ZNRF1: variants seen among roughly 807,000 people sequenced by gnomAD.
The protein encoded by ZNRF1 is zinc and ring finger 1.
Under a neutral mutation model 18.4 loss-of-function variants are expected in ZNRF1, and 3 were observed. That is an observed-to-expected ratio of 0.16 (90% CI 0.07 to 0.42). The LOEUF is 0.42. Ranked by LOEUF, ZNRF1 falls within the 10% of genes least tolerant of loss-of-function variation. The pLI is 0.99. For synonymous variants in ZNRF1, 157 were observed against 144.2 expected, an observed-to-expected ratio of 1.09 and a Z score of -0.64; for missense variants, 310 against 329.8, an observed-to-expected ratio of 0.94 and a Z score of 0.47.
intron 1 of ZNRF1, among the ~76,000 whole-genome samples, chr16:75,090,579 T>C (rs1274560523): frequency 6.6e-6 from 1 of 152,170 alleles, no homozygotes; most frequent in East Asian, 1.9e-4. Flanking sequence ...ATACAGCCCT[T>C]TCCCGAAGCT....
chr16:75,050,877 A>C (rs1054863254), intron 1 of ZNRF1, among the ~76,000 whole-genome samples: 2 of 104,858 alleles, frequency 1.9e-5, no homozygotes, highest in African/African-American at 4.0e-5. Flanking sequence ...TCTCAAAAAA[A>C]AAAAAAAAAA....
At chr16:75,025,178 C>A (rs981766580) in intron 1 of ZNRF1, among the ~76,000 whole-genome samples, 1 of 152,158 alleles carries the variant, frequency 6.6e-6, no homozygotes, top group African/African-American at 2.4e-5. Flanking sequence ...TGCCATTCTC[C>A]TGCCTCAGCC....
chr16:75,007,644 G>A (rs2034939445), intron 1 of ZNRF1, among the ~76,000 whole-genome samples: 1 of 152,144 alleles, frequency 6.6e-6, no homozygotes, highest in African/African-American at 2.4e-5. Flanking sequence ...GTATTCTCTA[G>A]GGAGGTAGTT....
intron 1 of ZNRF1, among the ~76,000 whole-genome samples, chr16:75,062,604 C>G (rs933139199): frequency 6.6e-6 from 1 of 152,246 alleles, no homozygotes; most frequent in African/African-American, 2.4e-5. Context: ...TCAGGCTTCT[C>G]TTGGCCGCCT....
At chr16:75,066,723 C>T (rs867695192) in intron 1 of ZNRF1, among the ~76,000 whole-genome samples, 12 of 152,058 alleles carry the variant, frequency 7.9e-5, no homozygotes, top group Non-Finnish European at 1.3e-4. Flanking sequence ...AGGCTGGTCT[C>T]GAACTCCCAA....
chr16:75,041,956 A>C (rs1221587404), intron 1 of ZNRF1, among the ~76,000 whole-genome samples: 1 of 152,156 alleles, frequency 6.6e-6, no homozygotes, highest in African/African-American at 2.4e-5. Context: ...AGATCATGCC[A>C]CTGCAGTCCA....
At chr16:75,102,808 A>G (rs571400539) in intron 2 of ZNRF1, among the ~76,000 whole-genome samples, 33 of 151,988 alleles carry the variant, frequency 2.2e-4, no homozygotes, top group Admixed American at 2.0e-3. Context: ...CTTCCTTCTC[A>G]TGCTTTCCTC....
intron 1 of ZNRF1, among the ~76,000 whole-genome samples, chr16:75,034,271 T>C (rs1172045855): frequency 1.3e-5 from 2 of 152,270 alleles, no homozygotes; most frequent in East Asian, 3.8e-4. Context: ...CTTGCCAAAC[T>C]ATAACTCTGT....
intron 1 of ZNRF1, among the ~76,000 whole-genome samples, chr16:75,018,816 CATAT>C (rs953248131): frequency 3.3e-5 from 5 of 151,946 alleles, no homozygotes; most frequent in African/African-American, 1.2e-4. Flanking sequence ...GATTTTTGCA[CATAT>C]GTCATAAAAT....
intron 1 of ZNRF1, among the ~76,000 whole-genome samples, chr16:75,076,979 T>G (rs747302701): frequency 6.6e-6 from 1 of 152,058 alleles, no homozygotes; most frequent in Non-Finnish European, 1.5e-5. Flanking sequence ...CCATGAGAGA[T>G]AAATGTTTAT....
intron 1 of ZNRF1, among the ~76,000 whole-genome samples, chr16:75,047,109 A>T (rs74881215): frequency 0.021 from 3,147 of 152,292 alleles, 103 homozygotes; most frequent in African/African-American, 0.072. Flanking sequence ...TTACAGATCC[A>T]CCCCATTCAT....
intron 1 of ZNRF1, among the ~76,000 whole-genome samples, chr16:75,070,672 A>G (rs1460361970): frequency 6.6e-6 from 1 of 151,480 alleles, no homozygotes; most frequent in East Asian, 1.9e-4. Context: ...CCCGCCCACC[A>G]TACCCCTTCC....
chr16:75,108,505 T>C lies in ZNRF1; in HGVS notation c.*805T>C. 1 of 398,702 alleles carries C rather than the reference T, an allele frequency of 2.5e-6. No individual in the cohort carries two copies. 24.7% of individuals were successfully genotyped at this position (398,702 alleles called of 1,614,324 possible). ...ACTAAGAAATATGTACAGCTACCCC[T>C]GTTTTCAGGCACTATGTTTGAGAAC... On this transcript the variant is annotated 3_prime_UTR_variant, in exon 5 of 5. Transcript: ENST00000335325.
chr16:75,054,880 T>C (rs1469792926), intron 1 of ZNRF1, among the ~76,000 whole-genome samples: 1 of 152,210 alleles, frequency 6.6e-6, no homozygotes, highest in East Asian at 1.9e-4. Flanking sequence ...TCTCTAGCCT[T>C]TCTTACAGGT....
intron 1 of ZNRF1, 123 bp from the exon 2 acceptor site, chr16:75,093,449 G>T: frequency 4.3e-6 from 3 of 703,548 alleles, no homozygotes; most frequent in Admixed American, 2.1e-5. Context: ...TCCAGGGTCT[G>T]TTCTGATGGT....
chr16:75,016,951 G>A (rs1297484504), intron 1 of ZNRF1, among the ~76,000 whole-genome samples: 2 of 152,150 alleles, frequency 1.3e-5, no homozygotes, highest in Non-Finnish European at 2.9e-5. Flanking sequence ...AATCCAGATA[G>A]AATAAACACA....
Position 75,102,064 on chromosome 16 carries a change from C to T in ZNRF1, c.521-2720C>T, listed in dbSNP as rs557838537. Among the ~76,000 whole-genome samples the T allele has an allele frequency of 8.9e-4, 135 of 152,270 alleles. 2 individuals carry two copies. The Middle Eastern group carries it at 0.014, about 15-fold the overall frequency. On this transcript the variant is annotated intron_variant, in intron 2 of 4. Coordinates refer to ENST00000335325, the MANE Select transcript of ZNRF1 (RefSeq NM_032268.5). ...CCAGGAAGCTGAGAGTGACTTCTCT[C>T]GCAACTCATGTGCCTGGGGACTTAA...
chr16:75,026,824 T>A (rs912613295), intron 1 of ZNRF1, among the ~76,000 whole-genome samples: 1 of 151,296 alleles, frequency 6.6e-6, no homozygotes, highest in Non-Finnish European at 1.5e-5. Flanking sequence ...TAATCCCAGC[T>A]ACTCAGGAGG....
chr16:75,019,847 C>T (rs773129631), intron 1 of ZNRF1, among the ~76,000 whole-genome samples: 38 of 152,258 alleles, frequency 2.5e-4, no homozygotes, highest in Admixed American at 3.9e-4. Context: ...GCCTCAGCCT[C>T]CCGAGTAGCT....
Sources: allele counts gnomAD v4.1 joint callset (sites outside exome capture counted in the v4.1 genomes callset), GRCh38; gene constraint gnomAD v4.1.1; transcripts MANE v1.5; gene names NCBI Gene and HGNC (gene_info 2026-07-23, HGNC 2026-07-21).